LARP4B: variants seen among roughly 807,000 people sequenced by gnomAD.
LARP4B encodes La ribonucleoprotein 4B, also known as la-related protein 4B.
A neutral mutation model predicts 89.8 loss-of-function variants in LARP4B; 12 were observed. That is an observed-to-expected ratio of 0.13 (90% CI 0.09 to 0.22). The LOEUF is 0.22. LARP4B is among the 10% of genes least tolerant of loss of function. LARP4B has a pLI of 1.00. For missense variants in LARP4B, 757 were observed against 947.7 expected, an observed-to-expected ratio of 0.80 and a Z score of 2.64; for synonymous variants, 367 against 363.3, an observed-to-expected ratio of 1.01 and a Z score of -0.12.
intron 8 of LARP4B, among the ~76,000 whole-genome samples, chr10:832,038 AT>A (rs965558273): frequency 5.9e-5 from 9 of 151,406 alleles, no homozygotes; most frequent in South Asian, 4.2e-4. Flanking sequence ...TTTATTTTTT[AT>A]TTTTTTTTAT....
At chr10:900,447 T>TTTTC (rs1836309223) in intron 1 of LARP4B, among the ~76,000 whole-genome samples, 1 of 106,104 alleles carries the variant, frequency 9.4e-6, no homozygotes, top group South Asian at 3.3e-4. Context: ...TTTTTTTTTT[T>TTTTC]TTTTTTGAGG....
chr10:817,691 T>A, intron 15 of LARP4B, 34 bp downstream of exon 15: 3 of 1,594,120 alleles, frequency 1.9e-6, no homozygotes, highest in Non-Finnish European at 2.6e-6. Flanking sequence ...CTAGACACTG[T>A]TGGCAACTAT....
At chr10:928,120 G>T (rs1837201243) in intron 1 of LARP4B, among the ~76,000 whole-genome samples, 1 of 152,008 alleles carries the variant, frequency 6.6e-6, no homozygotes, top group Non-Finnish European at 1.5e-5. Flanking sequence ...TACTCGGGAG[G>T]CTGAGGCAGG....
chr10:850,230 T>C (rs759799322), intron 5 of LARP4B, among the ~76,000 whole-genome samples: 4 of 152,212 alleles, frequency 2.6e-5, no homozygotes, highest in Non-Finnish European at 4.4e-5. Context: ...ACACTAAATG[T>C]TAACGTTCTA....
chr10:871,868 T>C (rs1835218427), intron 3 of LARP4B, among the ~76,000 whole-genome samples: 1 of 152,156 alleles, frequency 6.6e-6, no homozygotes, highest in South Asian at 2.1e-4. Context: ...AGAGTTATTT[T>C]CTCTCTCCTT....
At chr10:959,356 C>CT in the LARP4B span, among the ~76,000 whole-genome samples, 4 of 146,706 alleles carry the variant, frequency 2.7e-5, no homozygotes, top group African/African-American at 1.1e-4. Context: ...ATCCCACCTC[C>CT]CCGTCAATCC....
At chr10:895,323 A>T (rs910721077) in intron 1 of LARP4B, among the ~76,000 whole-genome samples, 5 of 152,164 alleles carry the variant, frequency 3.3e-5, no homozygotes, top group African/African-American at 1.2e-4. Context: ...TTTCTATTTA[A>T]AATTTGTATT....
intron 1 of LARP4B, among the ~76,000 whole-genome samples, chr10:898,939 A>G (rs1836260620): frequency 6.6e-6 from 1 of 152,322 alleles, no homozygotes; most frequent in Middle Eastern, 3.4e-3. Flanking sequence ...CACTCTATCA[A>G]TCCCTGCATG....
At position 891,616 on chromosome 10, in the gene LARP4B, TTC is replaced by T. The variant is rs1356021850; in HGVS notation, c.-39-5858_-39-5857del. On this transcript the variant is annotated intron_variant, in intron 1 of 17. Coordinates refer to ENST00000316157, the MANE Select transcript of LARP4B (RefSeq NM_015155.3). ...TGAGAGAAGGAAGTTCACTATACTA[TTC>T]TGTCTACCTTTGTACATTTGAAATT... Among the ~76,000 whole-genome samples, 5 of 152,216 alleles carry T rather than the reference TTC, an allele frequency of 3.3e-5. No homozygotes were observed. The East Asian group carries it at 9.6e-4, about 29-fold the overall frequency.
At chr10:831,020 C>A in intron 8 of LARP4B, 43 bp from the exon 9 acceptor site, 2 of 820,972 alleles carry the variant, frequency 2.4e-6, no homozygotes, top group South Asian at 3.2e-5. Flanking sequence ...TCAACAATGT[C>A]AGTTTTTGTC....
the LARP4B span, among the ~76,000 whole-genome samples, chr10:938,643 T>C: frequency 6.6e-6 from 1 of 152,170 alleles, no homozygotes; most frequent in African/African-American, 2.4e-5. Flanking sequence ...GGTTAAGATA[T>C]CTGCAAGTTT....
intron 1 of LARP4B, among the ~76,000 whole-genome samples, chr10:887,316 C>G (rs996630104): frequency 2.6e-5 from 4 of 151,412 alleles, no homozygotes; most frequent in Non-Finnish European, 5.9e-5. Flanking sequence ...AAGGGTAAAA[C>G]TATATGAAAT....
chr10:817,459 C>T (rs895943994), intron 15 of LARP4B, among the ~76,000 whole-genome samples: 3 of 152,168 alleles, frequency 2.0e-5, no homozygotes, highest in Non-Finnish European at 4.4e-5. Context: ...ATCTAAGTTT[C>T]TGGGTGAGAG....
In LARP4B at chr10:810,412, C is replaced by T. The variant is rs1288132593; in HGVS notation, c.*2514G>A. 6.6e-6 allele frequency: 1 copy of T among 152,212 alleles called. No homozygotes were observed. Among genetic ancestry groups the T allele is most frequent in the Non-Finnish European group, 1.5e-5 (1 of 68,034 alleles). 9.4% of individuals were successfully genotyped at this position (152,212 alleles called of 1,614,324 possible). A position where few individuals can be genotyped will look rare whatever the true frequency, so the allele number is the denominator to read the frequency against. ...TTTCAGTTCTTGATGCAGAAGACTGCTGCTGGCTAGGCAGTAACTACAGTG... is the reference window on the plus strand; with the variant it reads ...TTTCAGTTCTTGATGCAGAAGACTGTTGCTGGCTAGGCAGTAACTACAGTG... On this transcript the variant is annotated 3_prime_UTR_variant, in exon 18 of 18. Coordinates refer to ENST00000316157, the MANE Select transcript of LARP4B (RefSeq NM_015155.3).
chr10:832,279 G>T (rs1028698463), intron 8 of LARP4B, among the ~76,000 whole-genome samples: 1 of 152,084 alleles, frequency 6.6e-6, no homozygotes, highest in East Asian at 1.9e-4. Flanking sequence ...TCCTGACCTC[G>T]TGATCCGCCC....
At chr10:931,199 C>T (rs1205700058) in intron 1 of LARP4B, among the ~76,000 whole-genome samples, 1 of 149,610 alleles carries the variant, frequency 6.7e-6, no homozygotes, top group African/African-American at 2.4e-5. Flanking sequence ...CGGCTTTTTC[C>T]TGGCCCTGAC....
the LARP4B span, among the ~76,000 whole-genome samples, chr10:953,791 T>G: frequency 3.9e-5 from 6 of 152,260 alleles, no homozygotes; most frequent in Admixed American, 1.3e-4. Flanking sequence ...GTTGTAAGGC[T>G]TCTGCCTCAG....
At chr10:916,883 G>C (rs1836836135) in intron 1 of LARP4B, among the ~76,000 whole-genome samples, 1 of 152,068 alleles carries the variant, frequency 6.6e-6, no homozygotes, top group Non-Finnish European at 1.5e-5. Flanking sequence ...TTTTTGTCGA[G>C]ATGGGGGTCT....
the LARP4B span, among the ~76,000 whole-genome samples, chr10:975,894 A>G: frequency 6.6e-6 from 1 of 150,474 alleles, no homozygotes; most frequent in Non-Finnish European, 1.5e-5. Context: ...GCCTAGTAGA[A>G]TGTAGGCCTG....
Sources: gnomAD v4.1 joint callset for allele counts (sites outside exome capture counted in the v4.1 genomes callset) on GRCh38, gnomAD v4.1.1 for gene constraint, MANE v1.5 for transcripts, NCBI Gene and HGNC (gene_info 2026-07-23, HGNC 2026-07-21) for gene names.